The following PBX3 variants were observed in gnomAD, a reference collection of about 807,000 sequenced individuals.
The protein encoded by PBX3 is pre-B-cell leukemia transcription factor 3.
PBX3 carries 14 observed loss-of-function variants against 48.5 expected under a neutral mutation model. The ratio of observed to expected loss-of-function variants is 0.29; its 90% CI spans 0.19 to 0.45. The LOEUF is 0.45. Among genes scored for constraint, PBX3 ranks in the 20% least tolerant of loss-of-function variants. The pLI, the probability that PBX3 is intolerant of heterozygous loss-of-function variation, is 1.00. For synonymous variants in PBX3, 210 were observed against 200.3 expected (o/e 1.05, Z -0.41); for missense variants, 386 against 546.7 (o/e 0.71, Z 2.93).
intron 2 of PBX3, among the ~76,000 whole-genome samples, chr9:125,781,604 G>A (rs943461271): frequency 5.7e-4 from 86 of 150,942 alleles, no homozygotes; most frequent in African/African-American, 1.8e-3. Flanking sequence ...GAGAGGGAGA[G>A]GCAGAGGCAG....
chr9:125,858,602 C>T (rs1839782960), intron 2 of PBX3, among the ~76,000 whole-genome samples: 1 of 134,640 alleles, frequency 7.4e-6, no homozygotes, highest in African/African-American at 2.7e-5. Context: ...GGGGACCCTA[C>T]TTTTGAAAGA....
At chr9:125,888,928 T>C (rs1840567716) in intron 2 of PBX3, among the ~76,000 whole-genome samples, 1 of 152,166 alleles carries the variant, frequency 6.6e-6, no homozygotes, top group Admixed American at 6.5e-5. Flanking sequence ...TCTGGATGAT[T>C]ATGAGTATGA....
intron 2 of PBX3, among the ~76,000 whole-genome samples, chr9:125,895,558 C>T (rs539766489): frequency 9.5e-4 from 144 of 152,128 alleles, no homozygotes; most frequent in African/African-American, 3.4e-3. Context: ...GGTTTTTATA[C>T]TAGTTTCCTT....
intron 5 of PBX3, among the ~76,000 whole-genome samples, chr9:125,943,140 G>A (rs1045690465): frequency 6.6e-6 from 1 of 152,016 alleles, no homozygotes; most frequent in African/African-American, 2.4e-5. Flanking sequence ...GCTGAGGCGG[G>A]TGGATCGCCT....
In PBX3 at chr9:125,899,455, A is replaced by ATATG. The variant is rs1491564633; in HGVS notation, c.275-16231_275-16230insTATG. Among the ~76,000 whole-genome samples, 19 of 17,762 alleles carry ATATG rather than the reference A, an allele frequency of 1.1e-3. 1 individual carries two copies. In the South Asian group the frequency reaches 0.02, roughly 19 times the overall value. 11.7% of individuals were successfully genotyped at this position (17,762 alleles called of 152,430 possible). A position where few individuals can be genotyped will look rare whatever the true frequency, so the allele number is the denominator to read the frequency against. ...TATATATGTGTGTATATATATATAT[A>ATATG]GAGAGAGAGAGAGAGAGAGAGAGAG... On this transcript the variant is annotated intron_variant, in intron 2 of 8. Transcript: ENST00000373489.
chr9:125,794,789 A>T (rs1174024324), intron 2 of PBX3, among the ~76,000 whole-genome samples: 1 of 151,474 alleles, frequency 6.6e-6, no homozygotes, highest in Admixed American at 6.6e-5. Flanking sequence ...AATTCCAAAG[A>T]TAACAAGGTT....
intron 5 of PBX3, among the ~76,000 whole-genome samples, chr9:125,951,789 C>T (rs955301074): frequency 1.3e-5 from 2 of 152,130 alleles, no homozygotes; most frequent in Admixed American, 6.5e-5. Flanking sequence ...CACACAGGTC[C>T]GTTTGGCTCT....
rs191309155 is a variant in PBX3, at chr9:125,885,780, C to T, written c.275-29906C>T. On this transcript the variant is annotated intron_variant, in intron 2 of 8. Transcript: ENST00000373489. Reference sequence around the variant, plus strand: ...GAAATAGGCTGTTTTGGTTATTGAACGTTCTTAACTGTAGGGGATGTGTGT... The same window carrying T: ...GAAATAGGCTGTTTTGGTTATTGAATGTTCTTAACTGTAGGGGATGTGTGT... 5.6e-5 allele frequency among the ~76,000 whole-genome samples: 8 copies of T among 142,924 alleles called. No homozygotes were observed. The East Asian group carries it at 1.2e-3, about 22-fold the overall frequency. 93.8% of individuals were successfully genotyped at this position (142,924 alleles called of 152,430 possible). A position where few individuals can be genotyped will look rare whatever the true frequency, so the allele number is the denominator to read the frequency against.
intron 2 of PBX3, among the ~76,000 whole-genome samples, chr9:125,781,685 GT>G (rs1837322143): frequency 6.6e-6 from 1 of 152,058 alleles, no homozygotes; most frequent in African/African-American, 2.4e-5. Context: ...TTTCTGTTCT[GT>G]GTTTTGTTGT....
At position 125,966,007 on chromosome 9, in the gene PBX3, C is replaced by A; in HGVS notation, c.*84C>A. 1 of 924,748 alleles carries A rather than the reference C, an allele frequency of 1.1e-6. No individual in the cohort carries two copies. Among genetic ancestry groups the A allele is most frequent in the Admixed American group, 1.9e-5 (1 of 53,946 alleles). 57.3% of individuals were successfully genotyped at this position (924,748 alleles called of 1,614,324 possible). The stretch of plus-strand genomic sequence containing the variant: ...GAGGAAAAGGAAAGCGTTTTTGTAG[C>A]CCACCATCTACAGCTTTACTGTAAA... On this transcript the variant is annotated 3_prime_UTR_variant, in exon 9 of 9. Coordinates refer to ENST00000373489, the MANE Select transcript of PBX3 (RefSeq NM_006195.6).
chr9:125,841,166 G>C (rs1301541744), intron 2 of PBX3, among the ~76,000 whole-genome samples: 1 of 152,136 alleles, frequency 6.6e-6, no homozygotes, highest in Non-Finnish European at 1.5e-5. Context: ...TTAATAAATT[G>C]TCTAAGTCAC....
chr9:125,901,428 AATTGT>A (rs946030468), intron 2 of PBX3, among the ~76,000 whole-genome samples: 1 of 151,686 alleles, frequency 6.6e-6, no homozygotes, highest in Non-Finnish European at 1.5e-5. Flanking sequence ...TCTACTTCAA[AATTGT>A]ATTTCTGAAA....
chr9:125,854,354 T>G (rs1839665019), intron 2 of PBX3, among the ~76,000 whole-genome samples: 1 of 151,928 alleles, frequency 6.6e-6, no homozygotes, highest in South Asian at 2.1e-4. Context: ...AGGCTGGTCT[T>G]GAACTCCTGA....
At chr9:125,905,563 AT>A (rs771497255) in intron 2 of PBX3, among the ~76,000 whole-genome samples, 44 of 151,288 alleles carry the variant, frequency 2.9e-4, no homozygotes, top group South Asian at 1.7e-3. Flanking sequence ...TTTTCTTTTG[AT>A]TTCTTTGCTG....
chr9:125,821,787 A>G (rs1838660013), intron 2 of PBX3, among the ~76,000 whole-genome samples: 1 of 152,052 alleles, frequency 6.6e-6, no homozygotes, highest in African/African-American at 2.4e-5. Flanking sequence ...AAAAAGTACA[A>G]ATTATTTGTT....
At chr9:125,785,282 T>C (rs543918344) in intron 2 of PBX3, among the ~76,000 whole-genome samples, 1 of 152,298 alleles carries the variant, frequency 6.6e-6, no homozygotes, top group African/African-American at 2.4e-5. Context: ...GAGGTTAACA[T>C]TTGAGTCAGT....
At chr9:125,865,277 C>T (rs1221413189) in intron 2 of PBX3, 3 of 169,198 alleles carry the variant, frequency 1.8e-5, no homozygotes, top group East Asian at 1.9e-4. Flanking sequence ...TTTCTTGTTT[C>T]CTGGAGAATA....
chr9:125,769,913 C>G (rs1000480744), intron 2 of PBX3, among the ~76,000 whole-genome samples: 1 of 152,010 alleles, frequency 6.6e-6, no homozygotes, highest in Admixed American at 6.6e-5. Flanking sequence ...TTAATTAGCT[C>G]TTAACCACTT....
chr9:125,953,109 C>G (rs187813523), intron 5 of PBX3, among the ~76,000 whole-genome samples: 8 of 152,076 alleles, frequency 5.3e-5, no homozygotes, highest in African/African-American at 1.9e-4. Flanking sequence ...TCAACATGAT[C>G]TTTAATAAAT....
Sources: allele counts gnomAD v4.1 joint callset (sites outside exome capture counted in the v4.1 genomes callset), GRCh38; gene constraint gnomAD v4.1.1; transcripts MANE v1.5; gene names NCBI Gene and HGNC (gene_info 2026-07-23, HGNC 2026-07-21).